The following TAS2R1 variants were observed in gnomAD, a reference collection of about 807,000 sequenced individuals.
The protein encoded by TAS2R1 is taste receptor type 2 member 1.
For missense variants in TAS2R1, 370 were observed against 353.4 expected, an observed-to-expected ratio of 1.05 and a Z score of -0.38; for synonymous variants, 141 against 134.2, an observed-to-expected ratio of 1.05 and a Z score of -0.35.
At position 9,629,375 on chromosome 5, in the gene TAS2R1, T is replaced by C; in HGVS notation, c.658A>G (p.Arg220Gly). ...AGCAACGCGCTGATGGGTGCACCCCTGCCAGGAACCCTGCTGCCGGCCACT... is the reference window on the plus strand; with the variant it reads ...AGCAACGCGCTGATGGGTGCACCCCCGCCAGGAACCCTGCTGCCGGCCACT... ...NTVAGSRVPG[R>G]GAPISALLSI... Residue 220 changes from arginine (R) to glycine (G), a missense_variant, in exon 1 of 1, where the codon AGG (arginine) becomes GGG (glycine). Transcript: ENST00000382492. The C allele has an allele frequency of 2.5e-6, 4 of 1,614,128 alleles. No homozygotes were observed. Among genetic ancestry groups the C allele is most frequent in the Non-Finnish European group, 3.4e-6 (4 of 1,180,000 alleles).
chr5:9,760,268 T>C, the TAS2R1 span, among the ~76,000 whole-genome samples: 1 of 152,198 alleles, frequency 6.6e-6, no homozygotes, highest in South Asian at 2.1e-4. Context: ...ACCAAACATT[T>C]AAAGAAGAAC....
chr5:9,787,942 G>T, the TAS2R1 span, among the ~76,000 whole-genome samples: 1 of 152,170 alleles, frequency 6.6e-6, no homozygotes, highest in African/African-American at 2.4e-5. Context: ...GCGTCTGAGG[G>T]GCAGATGCTT....
chr5:9,771,762 G>A, the TAS2R1 span, among the ~76,000 whole-genome samples: 3 of 151,934 alleles, frequency 2.0e-5, no homozygotes, highest in African/African-American at 7.2e-5. Context: ...GTCCAGCAAT[G>A]TATCTGTTTC....
chr5:9,762,260 T>A, the TAS2R1 span, among the ~76,000 whole-genome samples: 1 of 152,008 alleles, frequency 6.6e-6, no homozygotes, highest in African/African-American at 2.4e-5. Flanking sequence ...GCCCCTAAAA[T>A]AAAAGACCCC....
At chr5:9,739,040 C>T in the TAS2R1 span, among the ~76,000 whole-genome samples, 1 of 152,154 alleles carries the variant, frequency 6.6e-6, no homozygotes. Context: ...CTAGTACCTG[C>T]CTATTTCTAG....
intron 1 of TAS2R1, among the ~76,000 whole-genome samples, chr5:9,670,585 C>T (rs1740730247): frequency 6.6e-6 from 1 of 152,138 alleles, no homozygotes; most frequent in East Asian, 1.9e-4. Context: ...CTTAAATAAA[C>T]TCTGTTAAAT....
chr5:9,787,311 T>C, the TAS2R1 span, among the ~76,000 whole-genome samples: 1 of 152,168 alleles, frequency 6.6e-6, no homozygotes, highest in Non-Finnish European at 1.5e-5. Context: ...ACCCAAAAGC[T>C]TAAAAGAAAA....
chr5:9,684,979 C>T (rs933192402), intron 1 of TAS2R1, among the ~76,000 whole-genome samples: 4 of 152,204 alleles, frequency 2.6e-5, no homozygotes, highest in Non-Finnish European at 5.9e-5. Context: ...TCTGCTACCA[C>T]ACAGACCCCG....
the TAS2R1 span, among the ~76,000 whole-genome samples, chr5:9,784,136 T>C: frequency 6.6e-6 from 1 of 152,254 alleles, no homozygotes; most frequent in Non-Finnish European, 1.5e-5. Context: ...GGGTTTACTA[T>C]GAACATTAGC....
intron 2 of TAS2R1, among the ~76,000 whole-genome samples, chr5:9,640,624 T>G (rs1362417110): frequency 6.6e-6 from 1 of 152,048 alleles, no homozygotes; most frequent in East Asian, 1.9e-4. Flanking sequence ...TGCTAGTTCC[T>G]TGGTTTCTCA....
At chr5:9,689,924 G>A (rs565720240) in intron 1 of TAS2R1, among the ~76,000 whole-genome samples, 2 of 152,292 alleles carry the variant, frequency 1.3e-5, no homozygotes, top group South Asian at 4.1e-4. Context: ...CTGGGAGTCA[G>A]CATCATTTCT....
At chr5:9,714,296 A>G (rs148803905), upstream of TAS2R1, 40 of 152,342 alleles carry the variant, frequency 2.6e-4, no homozygotes, top group African/African-American at 9.1e-4. Flanking sequence ...AGTGTTATCC[A>G]CATCAGCGTT....
chr5:9,719,939 CAAAAACAAA>C, the TAS2R1 span, among the ~76,000 whole-genome samples: 139 of 91,114 alleles, frequency 1.5e-3, 1 homozygote, highest in African/African-American at 5.8e-3. Context: ...AAAAAAAAAA[CAAAAACAAA>C]AACAAACTAC....
At chr5:9,753,394 T>A in the TAS2R1 span, among the ~76,000 whole-genome samples, 2,517 of 152,154 alleles carry the variant, frequency 0.017, 63 homozygotes, top group African/African-American at 0.054. Flanking sequence ...TTTGATGGGG[T>A]TGTTTGTTTT....
chr5:9,793,439 T>G, the TAS2R1 span, among the ~76,000 whole-genome samples: 2 of 152,140 alleles, frequency 1.3e-5, no homozygotes, highest in African/African-American at 4.8e-5. Flanking sequence ...TTGATCACTA[T>G]AGAGGAAACC....
chr5:9,798,779 G>A, the TAS2R1 span, among the ~76,000 whole-genome samples: 4 of 152,316 alleles, frequency 2.6e-5, no homozygotes, highest in South Asian at 4.1e-4. Flanking sequence ...CTGTGCCAAC[G>A]TAAGTAAAAT....
the TAS2R1 span, among the ~76,000 whole-genome samples, chr5:9,804,692 T>C: frequency 6.6e-6 from 1 of 152,090 alleles, no homozygotes; most frequent in East Asian, 1.9e-4. Flanking sequence ...TTCTTTGAAC[T>C]GAACAATAAC....
At chr5:9,901,033 G>A in the TAS2R1 span, among the ~76,000 whole-genome samples, 5 of 152,180 alleles carry the variant, frequency 3.3e-5, no homozygotes, top group South Asian at 4.2e-4. Flanking sequence ...GCTCAGATTC[G>A]CAGCTGCTTT....
chr5:9,705,851 A>G lies in TAS2R1; in HGVS notation c.-242+6321T>C, dbSNP rs562731145. On this transcript the variant is annotated intron_variant, in intron 1 of 2. Transcript: ENST00000506620. The stretch of plus-strand genomic sequence containing the variant: ...CACTCCAGCCTGGGAGACAAGAGTG[A>G]AACTCCATCCCCCCCCAAAAAAAGA... Among the ~76,000 whole-genome samples, 4 of 148,022 alleles carry G rather than the reference A, an allele frequency of 2.7e-5. No homozygotes were observed. In the South Asian group the frequency reaches 8.5e-4, roughly 31 times the overall value.
Sources: gnomAD v4.1 joint callset for allele counts (sites outside exome capture counted in the v4.1 genomes callset) on GRCh38, gnomAD v4.1.1 for gene constraint, MANE v1.5 for transcripts, NCBI Gene and HGNC (gene_info 2026-07-23, HGNC 2026-07-21) for gene names.